The following CAST variants were observed in gnomAD, a reference collection of about 807,000 sequenced individuals.
CAST encodes calpastatin, also known as MIR583 host.
Under a neutral mutation model 119.6 loss-of-function variants are expected in CAST, and 76 were observed. The observed-to-expected ratio is 0.64, with a 90% confidence interval of 0.53 to 0.77. CAST has a LOEUF of 0.77. CAST is among the 30% of genes least tolerant of loss of function. CAST has a pLI of 0.00. For missense variants in CAST, 953 were observed against 946.5 expected, an observed-to-expected ratio of 1.01 and a Z score of -0.09; for synonymous variants, 319 against 331.6, an observed-to-expected ratio of 0.96 and a Z score of 0.41.
intron 2 of CAST, among the ~76,000 whole-genome samples, chr5:96,688,125 G>A (rs892668905): frequency 3.3e-5 from 5 of 152,090 alleles, no homozygotes; most frequent in Admixed American, 2.6e-4. Context: ...ATATTTCTTG[G>A]CTCAGCAGTG....
chr5:96,591,546 A>G (rs958549491), intron 1 of CAST, among the ~76,000 whole-genome samples: 1 of 152,210 alleles, frequency 6.6e-6, no homozygotes, highest in Non-Finnish European at 1.5e-5. Context: ...CAATTAATCT[A>G]TAAAAAAGAT....
At chr5:96,602,181 T>A (rs562574887) in intron 1 of CAST, among the ~76,000 whole-genome samples, 35 of 152,322 alleles carry the variant, frequency 2.3e-4, no homozygotes, top group African/African-American at 7.0e-4. Context: ...CAAAGGATGG[T>A]TGAGGACGGC....
At chr5:96,728,663 G>C (rs1322675087) in intron 6 of CAST, 1 of 152,342 alleles carries the variant, frequency 6.6e-6, no homozygotes, top group South Asian at 2.1e-4. Context: ...ATTTTTAGTA[G>C]AGACGGGGTT....
At chr5:96,728,781 A>G in intron 6 of CAST, 1 of 170,482 alleles carries the variant, frequency 5.9e-6, no homozygotes, top group Non-Finnish European at 1.3e-5. Context: ...CTGGCCTAAA[A>G]TATATTTTCT....
At chr5:96,746,835 T>C (rs1184926836) in intron 17 of CAST, among the ~76,000 whole-genome samples, 1 of 152,248 alleles carries the variant, frequency 6.6e-6, no homozygotes, top group Non-Finnish European at 1.5e-5. Flanking sequence ...TTTGTTGCTG[T>C]TGTTTTTGAT....
Position 96,702,797 on chromosome 5 carries a change from G to C in CAST, c.210+6890G>C, listed in dbSNP as rs577641665. 104 of 985,482 alleles carry C rather than the reference G, an allele frequency of 1.1e-4. No individual in the cohort carries two copies. In the African/African-American group the frequency reaches 1.7e-3, roughly 17 times the overall value. 61.0% of individuals were successfully genotyped at this position (985,482 alleles called of 1,614,324 possible). On this transcript the variant is annotated intron_variant, in intron 3 of 31. Coordinates refer to ENST00000675179, the MANE Select transcript of CAST (RefSeq NM_001750.7). Reference sequence around the variant, plus strand: ...CGCCTTCCCGGGACCGCCCCGCCCCGTCGCACTCAGAGAGCTGGGCTGGAG... The same window carrying C: ...CGCCTTCCCGGGACCGCCCCGCCCCCTCGCACTCAGAGAGCTGGGCTGGAG...
chr5:96,453,337 T>A, the CAST span, among the ~76,000 whole-genome samples: 1 of 152,320 alleles, frequency 6.6e-6, no homozygotes, highest in East Asian at 1.9e-4. Flanking sequence ...GCAATAAGAT[T>A]TACAGTTGGT....
Position 96,740,730 on chromosome 5 carries a change from T to A in CAST, c.880-15T>A. 1 of 1,588,170 alleles carries A rather than the reference T, an allele frequency of 6.3e-7. No individual in the cohort carries two copies. Among genetic ancestry groups the A allele is most frequent in the Non-Finnish European group, 8.6e-7 (1 of 1,156,298 alleles). Reference sequence around the variant, plus strand: ...TTCTACCTTCTCAACATCATCAAATTAATATTTGTTTCAGAAAAAGGAAGG... The same window carrying A: ...TTCTACCTTCTCAACATCATCAAATAAATATTTGTTTCAGAAAAAGGAAGG... On this transcript the variant is annotated splice_polypyrimidine_tract_variant and intron_variant, in intron 12 of 31. Coordinates refer to ENST00000675179, the MANE Select transcript of CAST (RefSeq NM_001750.7).
intron 11 of CAST, among the ~76,000 whole-genome samples, chr5:96,738,519 T>C (rs1196433913): frequency 6.6e-6 from 1 of 152,162 alleles, no homozygotes; most frequent in South Asian, 2.1e-4. Context: ...CACACACTTA[T>C]TTTCCATCCT....
the CAST span, among the ~76,000 whole-genome samples, chr5:96,024,123 C>T: frequency 1.3e-5 from 2 of 152,040 alleles, no homozygotes; most frequent in African/African-American, 4.8e-5. Context: ...CAGTGTTTGC[C>T]CCAAGTGACT....
At chr5:96,368,979 T>C in the CAST span, among the ~76,000 whole-genome samples, 1 of 152,046 alleles carries the variant, frequency 6.6e-6, no homozygotes, top group African/African-American at 2.4e-5. Flanking sequence ...TTGAAAGTGA[T>C]CTTTTCTTTG....
At chr5:96,687,702 A>C (rs1752242536) in intron 2 of CAST, among the ~76,000 whole-genome samples, 1 of 152,226 alleles carries the variant, frequency 6.6e-6, no homozygotes, top group Non-Finnish European at 1.5e-5. Flanking sequence ...ATATCATTCT[A>C]AAATCTGAAA....
the CAST span, among the ~76,000 whole-genome samples, chr5:96,272,258 G>A: frequency 6.6e-6 from 1 of 152,110 alleles, no homozygotes; most frequent in African/African-American, 2.4e-5. Context: ...TTTCACTACT[G>A]GGTATGTATC....
the CAST span, among the ~76,000 whole-genome samples, chr5:96,002,452 G>C: frequency 1.3e-5 from 2 of 152,200 alleles, no homozygotes; most frequent in Non-Finnish European, 2.9e-5. Flanking sequence ...GGCTGCTCCA[G>C]TCTTAGCTGG....
the CAST span, among the ~76,000 whole-genome samples, chr5:96,078,854 A>G: frequency 1.3e-5 from 2 of 152,156 alleles, no homozygotes; most frequent in Non-Finnish European, 2.9e-5. Context: ...CAAGTATTGC[A>G]TGTTCTCACT....
the CAST span, among the ~76,000 whole-genome samples, chr5:96,204,983 G>A: frequency 6.6e-6 from 1 of 151,994 alleles, no homozygotes; most frequent in South Asian, 2.1e-4. Context: ...CCAGTATGTG[G>A]TAAAGCTTAT....
At chr5:96,104,310 A>C in the CAST span, among the ~76,000 whole-genome samples, 1 of 152,156 alleles carries the variant, frequency 6.6e-6, no homozygotes, top group Non-Finnish European at 1.5e-5. Context: ...GTCCTTCCCC[A>C]TGCCTATGTC....
chr5:96,016,063 T>C, the CAST span, among the ~76,000 whole-genome samples: 10,039 of 152,206 alleles, frequency 0.066, 644 homozygotes, highest in African/African-American at 0.17. Context: ...AGTTGAAAGG[T>C]AGAAGAGCAG....
At chr5:96,119,885 CA>C in the CAST span, among the ~76,000 whole-genome samples, 1 of 152,130 alleles carries the variant, frequency 6.6e-6, no homozygotes, top group African/African-American at 2.4e-5. Context: ...CGCTCAGCAG[CA>C]AAATAATCTC....
Sources: gnomAD v4.1 joint callset for allele counts (sites outside exome capture counted in the v4.1 genomes callset) on GRCh38, gnomAD v4.1.1 for gene constraint, MANE v1.5 for transcripts, NCBI Gene and HGNC (gene_info 2026-07-23, HGNC 2026-07-21) for gene names.